Variants in RASAL2 observed in about 807,000 individuals in gnomAD.
The protein encoded by RASAL2 is RAS protein activator like 2.
Under a neutral mutation model 128.9 loss-of-function variants are expected in RASAL2, and 58 were observed. The ratio of observed to expected loss-of-function variants is 0.45; its 90% CI spans 0.36 to 0.56. The LOEUF is 0.56. Among genes scored for constraint, RASAL2 ranks in the 20% least tolerant of loss-of-function variants. The pLI is 0.00. For synonymous variants in RASAL2, 561 were observed against 580.8 expected, an observed-to-expected ratio of 0.97 and a Z score of 0.49; for missense variants, 1,360 against 1,601.6, an observed-to-expected ratio of 0.85 and a Z score of 2.57.
intron 1 of RASAL2, among the ~76,000 whole-genome samples, chr1:178,116,631 A>G (rs1403356773): frequency 6.6e-6 from 1 of 151,738 alleles, no homozygotes; most frequent in African/African-American, 2.4e-5. Context: ...TTTTTTTGAG[A>G]CGGAGTCTTG....
chr1:178,462,792 C>T (rs1647250088), intron 14 of RASAL2, among the ~76,000 whole-genome samples: 1 of 152,178 alleles, frequency 6.6e-6, no homozygotes, highest in Admixed American at 6.5e-5. Flanking sequence ...AGTTCATTCA[C>T]AATTGCTTAG....
At chr1:178,332,050 T>C (rs542523239) in intron 3 of RASAL2, among the ~76,000 whole-genome samples, 1 of 152,222 alleles carries the variant, frequency 6.6e-6, no homozygotes, top group Non-Finnish European at 1.5e-5. Context: ...CATGTATAGA[T>C]ATGTAAAATT....
chr1:178,308,344 G>A (rs1668090396), intron 3 of RASAL2, among the ~76,000 whole-genome samples: 1 of 151,992 alleles, frequency 6.6e-6, no homozygotes, highest in African/African-American at 2.4e-5. Context: ...GGAAAACTCT[G>A]AGGAAAAGCC....
chr1:178,241,458 A>G (rs1219921469), intron 1 of RASAL2, among the ~76,000 whole-genome samples: 1 of 152,190 alleles, frequency 6.6e-6, no homozygotes, highest in Non-Finnish European at 1.5e-5. Context: ...TACATATTAA[A>G]TTTCCATGGG....
intron 17 of RASAL2, chr1:178,470,628 A>G (rs1174005633): frequency 1.6e-6 from 2 of 1,269,862 alleles, no homozygotes; most frequent in Admixed American, 2.1e-5. Flanking sequence ...GCTTCCTCCT[A>G]TGAGAAGCAA....
chr1:178,161,408 A>G (rs888324428), intron 1 of RASAL2, among the ~76,000 whole-genome samples: 6 of 152,222 alleles, frequency 3.9e-5, no homozygotes, highest in Admixed American at 6.5e-5. Context: ...TTCATTTAGC[A>G]TAATATTTTC....
intron 2 of RASAL2, among the ~76,000 whole-genome samples, chr1:178,292,035 C>CAAAAAAAA (rs34317624): frequency 1.7e-5 from 1 of 59,108 alleles, no homozygotes; most frequent in African/African-American, 5.3e-5. Flanking sequence ...GACTTTGTCT[C>CAAAAAAAA]AAAAAAAAAA....
intron 1 of RASAL2, among the ~76,000 whole-genome samples, chr1:178,219,137 T>C (rs1663530103): frequency 6.6e-6 from 1 of 152,244 alleles, no homozygotes; most frequent in Non-Finnish European, 1.5e-5. Flanking sequence ...TTAAACCTTA[T>C]AAACCAACTT....
intron 1 of RASAL2, among the ~76,000 whole-genome samples, chr1:178,268,286 G>T (rs11584529): frequency 0.1 from 15,517 of 152,056 alleles, 823 homozygotes; most frequent in Middle Eastern, 0.13. Context: ...TGGCCAACAT[G>T]GTGAAACCCC....
At chr1:178,250,097 G>T (rs1333522954) in intron 1 of RASAL2, among the ~76,000 whole-genome samples, 1 of 152,120 alleles carries the variant, frequency 6.6e-6, no homozygotes, top group Non-Finnish European at 1.5e-5. Flanking sequence ...GTGCTGGAAG[G>T]GCCCTCTTTG....
intron 17 of RASAL2, 38 bp downstream of exon 17, chr1:178,467,459 A>T (rs1349094216): frequency 6.4e-7 from 1 of 1,553,636 alleles, no homozygotes; most frequent in South Asian, 1.1e-5. Context: ...GCACTTGTTT[A>T]TAGTAACGAT....
intron 3 of RASAL2, among the ~76,000 whole-genome samples, chr1:178,342,255 C>T (rs1172728095): frequency 1.3e-5 from 2 of 152,126 alleles, no homozygotes; most frequent in African/African-American, 2.4e-5. Context: ...CTATTCTCTC[C>T]ATTTTCAATG....
chr1:178,200,891 C>G (rs1662841124), intron 1 of RASAL2, among the ~76,000 whole-genome samples: 1 of 152,142 alleles, frequency 6.6e-6, no homozygotes, highest in Admixed American at 6.5e-5. Context: ...TCCTTTCCAC[C>G]TTTGTTTGAG....
chr1:178,306,742 G>T (rs1009595280), intron 3 of RASAL2, among the ~76,000 whole-genome samples: 1 of 151,722 alleles, frequency 6.6e-6, no homozygotes, highest in African/African-American at 2.4e-5. Context: ...TTTTGATGGG[G>T]TTGTTTGTTT....
intron 3 of RASAL2, among the ~76,000 whole-genome samples, chr1:178,305,184 G>A (rs1297297498): frequency 6.6e-6 from 1 of 152,154 alleles, no homozygotes; most frequent in African/African-American, 2.4e-5. Context: ...TCATGTTCAT[G>A]GGTTGGAAGA....
At chr1:178,183,901 T>C (rs1306033111) in intron 1 of RASAL2, among the ~76,000 whole-genome samples, 2 of 152,204 alleles carry the variant, frequency 1.3e-5, no homozygotes, top group Admixed American at 6.5e-5. Context: ...CTCCAAAATA[T>C]ACCATTTTGC....
At chr1:178,457,646 T>A (rs1372406848) in intron 13 of RASAL2, 37 bp from the exon 14 acceptor site, 1 of 1,588,812 alleles carries the variant, frequency 6.3e-7, no homozygotes, top group African/African-American at 1.3e-5. Context: ...GTTGAAGTTG[T>A]CTCAAGAGAA....
chr1:178,174,320 T>G (rs1014865332), intron 1 of RASAL2, among the ~76,000 whole-genome samples: 1 of 151,988 alleles, frequency 6.6e-6, no homozygotes, highest in Non-Finnish European at 1.5e-5. Context: ...TATTTGGGAG[T>G]TGGGTTCAGA....
chr1:178,109,302 G>C (rs1179536132), intron 1 of RASAL2, among the ~76,000 whole-genome samples: 1 of 151,916 alleles, frequency 6.6e-6, no homozygotes, highest in Non-Finnish European at 1.5e-5. Flanking sequence ...GGGTCTTACT[G>C]TTTTGCCCAG....
Sources: allele counts gnomAD v4.1 joint callset (sites outside exome capture counted in the v4.1 genomes callset), GRCh38; gene constraint gnomAD v4.1.1; transcripts MANE v1.5; gene names NCBI Gene and HGNC (gene_info 2026-07-23, HGNC 2026-07-21).